Variants in PTGR1 observed in about 807,000 individuals in gnomAD.
PTGR1 encodes 15-oxoprostaglandin 13-reductase.
A neutral mutation model predicts 37.7 loss-of-function variants in PTGR1; 23 were observed. The observed-to-expected ratio is 0.61, with a 90% CI of 0.44 to 0.86. PTGR1 has a LOEUF of 0.86. Ranked by LOEUF, PTGR1 falls within the 40% of genes least tolerant of loss-of-function variation. The pLI is 0.00. For synonymous variants in PTGR1, 134 were observed against 140.0 expected, an observed-to-expected ratio of 0.96 and a Z score of 0.30; for missense variants, 351 against 394.3, an observed-to-expected ratio of 0.89 and a Z score of 0.93.
At chr9:111,589,823 T>C (rs1742795738) in intron 4 of PTGR1, among the ~76,000 whole-genome samples, 1 of 151,416 alleles carries the variant, frequency 6.6e-6, no homozygotes, top group South Asian at 2.1e-4. Context: ...TTAGTAGAGA[T>C]GAGGTTTCGC....
chr9:111,553,226 T>A (rs1026492378), intron 9 of PTGR1, among the ~76,000 whole-genome samples: 1 of 152,240 alleles, frequency 6.6e-6, no homozygotes, highest in Non-Finnish European at 1.5e-5. Context: ...TTTGCTCTGC[T>A]GCAGTAAATT....
In PTGR1 at chr9:111,597,406, G is replaced by A. The variant is rs1829814208; in HGVS notation, c.17C>T (p.Thr6Ile). Residue 6 changes from threonine (T) to isoleucine (I), a missense_variant, in exon 2 of 10, where the codon ACA becomes ATA. By Grantham distance (89) the Thr-to-Ile change is moderately conservative. Coordinates refer to ENST00000407693, the MANE Select transcript of PTGR1 (RefSeq NM_001146108.2). The part of the protein sequence containing the change: MVRTK[T>I]WTLKKHFVGY... ...AACAAAGTGCTTCTTCAGGGTCCATGTCTTAGTACGAACCATCCTGAAGCT... is the reference window on the plus strand; with the variant it reads ...AACAAAGTGCTTCTTCAGGGTCCATATCTTAGTACGAACCATCCTGAAGCT... 5 of 1,612,158 alleles carry A rather than the reference G, an allele frequency of 3.1e-6. No homozygotes were observed. Among genetic ancestry groups the A allele is most frequent in the Non-Finnish European group, 4.2e-6 (5 of 1,178,900 alleles).
intron 2 of PTGR1, among the ~76,000 whole-genome samples, chr9:111,596,398 T>C (rs1318481337): frequency 6.6e-6 from 1 of 151,930 alleles, no homozygotes; most frequent in Non-Finnish European, 1.5e-5. Context: ...GCTGATCATC[T>C]AAGGTCAGGA....
chr9:111,581,683 A>G (rs971708776), intron 6 of PTGR1, among the ~76,000 whole-genome samples: 6 of 152,042 alleles, frequency 3.9e-5, no homozygotes, highest in African/African-American at 1.4e-4. Flanking sequence ...CATTGCCCAG[A>G]CTGGTCTTGA....
At chr9:111,591,528 C>A (rs1829622265) in intron 4 of PTGR1, among the ~76,000 whole-genome samples, 1 of 151,536 alleles carries the variant, frequency 6.6e-6, no homozygotes, top group Admixed American at 6.6e-5. Context: ...CACTACCACA[C>A]CCAGTTAATT....
At position 111,549,742 on chromosome 9, in the gene PTGR1, CAT is replaced by C. The variant is rs1323930695; in HGVS notation, c.*29_*30del. On this transcript the variant is annotated 3_prime_UTR_variant, in exon 10 of 10. Coordinates refer to the PTGR1 transcript ENST00000538962. ...CCTTCTAAGGTAATGGTGAATGATA[CAT>C]ATTCCCTTCATTTTTCTGCTTTGAA... The C allele has an allele frequency of 1.9e-6, 3 of 1,550,094 alleles. No homozygotes were observed. The African/African-American group carries it at 4.1e-5, about 21-fold the overall frequency.
downstream of PTGR1, among the ~76,000 whole-genome samples, chr9:111,561,984 C>A (rs1306415447): frequency 6.6e-6 from 1 of 150,464 alleles, no homozygotes; most frequent in African/African-American, 2.4e-5. Context: ...CTCCTGGGCT[C>A]AAGCGATTTT....
intron 4 of PTGR1, among the ~76,000 whole-genome samples, chr9:111,588,439 C>G (rs1371204572): frequency 6.6e-6 from 1 of 152,044 alleles, no homozygotes; most frequent in Non-Finnish European, 1.5e-5. Flanking sequence ...CACCTGTTAG[C>G]CAGGATGGTC....
Position 111,563,217 on chromosome 9 carries a change from G to A in PTGR1, c.894C>T (p.Tyr298=). Residue 298 remains tyrosine (Y), a synonymous_variant, in exon 10 of 10, where the codon TAC becomes TAT. Transcript: ENST00000407693. The stretch of plus-strand genomic sequence containing the variant: ...CAAATCCTTCAATGATATATTCCTT[G>A]TACTGGATTTTACCCTGTATCAAAG... ...LKWVLEGKIQ[Y]KEYIIEGFEN... 6.2e-7 allele frequency: 1 copy of A among 1,613,124 alleles called. No homozygotes were observed. Among genetic ancestry groups the A allele is most frequent in the Non-Finnish European group, 8.5e-7 (1 of 1,179,650 alleles).
rs770312421 is a variant in PTGR1 at position 111,586,167 on chromosome 9, T to C, written c.210-2A>G. On this transcript the variant is annotated splice_acceptor_variant, in intron 4 of 9. Transcript: ENST00000407693. LOFTEE classifies it high-confidence loss of function. ...GCTACATTTTTACTTTCCACAACTCTGAAAGATAAAGCACATTAAGGCATT... is the reference window on the plus strand; with the variant it reads ...GCTACATTTTTACTTTCCACAACTCCGAAAGATAAAGCACATTAAGGCATT... 4 of 1,613,568 alleles carry C rather than the reference T, an allele frequency of 2.5e-6. No individual in the cohort carries two copies. Among genetic ancestry groups the C allele is most frequent in the South Asian group, 2.2e-5 (2 of 91,032 alleles).
chr9:111,569,202 G>A (rs1339257872), intron 9 of PTGR1, among the ~76,000 whole-genome samples: 1 of 152,134 alleles, frequency 6.6e-6, no homozygotes, highest in Non-Finnish European at 1.5e-5. Flanking sequence ...CCAGCATACT[G>A]AGCCCAGACG....
chr9:111,593,227 T>A (rs1166665083), intron 3 of PTGR1, among the ~76,000 whole-genome samples: 1 of 152,114 alleles, frequency 6.6e-6, no homozygotes, highest in Non-Finnish European at 1.5e-5. Flanking sequence ...TGGATTTTTT[T>A]ATGAGTGAAC....
chr9:111,562,848 G>T lies in PTGR1; in HGVS notation c.*273C>A. 1 of 868,860 alleles carries T rather than the reference G, an allele frequency of 1.2e-6. No homozygotes were observed. Among genetic ancestry groups the T allele is most frequent in the Non-Finnish European group, 1.5e-6 (1 of 657,984 alleles). 53.8% of individuals were successfully genotyped at this position (868,860 alleles called of 1,614,324 possible). On this transcript the variant is annotated 3_prime_UTR_variant, in exon 10 of 10. Transcript: ENST00000407693. ...CCACTTATGAATGAAAACATACAGT[G>T]TTTGGAAAATTTTCACACTTCAAAG... is the stretch of plus-strand genomic sequence containing the variant.
At chr9:111,567,488 C>T (rs550027562) in intron 9 of PTGR1, among the ~76,000 whole-genome samples, 20 of 152,210 alleles carry the variant, frequency 1.3e-4, no homozygotes, top group South Asian at 4.1e-4. Context: ...CCAGTCCAGA[C>T]GGCACTTTTT....
chr9:111,571,644 A>T (rs1402693220), intron 8 of PTGR1, among the ~76,000 whole-genome samples: 3 of 146,568 alleles, frequency 2.0e-5, no homozygotes, highest in Non-Finnish European at 3.1e-5. Flanking sequence ...CACCTGGCTA[A>T]TTTTTTTTAG....
At chr9:111,599,061 T>G (rs1829863773) in intron 1 of PTGR1, among the ~76,000 whole-genome samples, 1 of 152,114 alleles carries the variant, frequency 6.6e-6, no homozygotes, top group Non-Finnish European at 1.5e-5. Context: ...AAGCAACCGC[T>G]GGGCTTCCAA....
rs994046457 is a variant in PTGR1 at position 111,586,196 on chromosome 9, G to C, written c.210-31C>G. The C allele has an allele frequency of 2.5e-6, 4 of 1,599,474 alleles. No homozygotes were observed. The African/African-American group carries it at 5.4e-5, about 21-fold the overall frequency. On this transcript the variant is annotated intron_variant, in intron 4 of 9. Coordinates refer to ENST00000407693, the MANE Select transcript of PTGR1 (RefSeq NM_001146108.2). ...AGATAAAGCACATTAAGGCATTAAG[G>C]CATGTGACATGTCTTCCCTTTCAAG...
At chr9:111,561,402 A>T (rs1387840922), downstream of PTGR1, among the ~76,000 whole-genome samples, 3 of 151,886 alleles carry the variant, frequency 2.0e-5, no homozygotes, top group African/African-American at 7.3e-5. Context: ...CAGCCTCCCA[A>T]GTAGCTGGGA....
chr9:111,593,170 G>T (rs1475802448), intron 3 of PTGR1, among the ~76,000 whole-genome samples, 188 bp from the exon 4 acceptor site: 1 of 152,128 alleles, frequency 6.6e-6, no homozygotes, highest in African/African-American at 2.4e-5. Flanking sequence ...CAGGAGGAAA[G>T]CTGTTAGAGG....
Sources: allele counts gnomAD v4.1 joint callset (sites outside exome capture counted in the v4.1 genomes callset), GRCh38; gene constraint gnomAD v4.1.1; transcripts MANE v1.5; gene names NCBI Gene and HGNC (gene_info 2026-07-23, HGNC 2026-07-21).